PRKAG2: variants seen among roughly 807,000 people sequenced by gnomAD.
PRKAG2 encodes protein kinase AMP-activated non-catalytic subunit gamma 2.
PRKAG2 carries 26 observed loss-of-function variants against 69.6 expected under a neutral mutation model. The ratio of observed to expected loss-of-function variants is 0.37; its 90% confidence interval spans 0.27 to 0.52. The LOEUF is 0.52. Ranked by LOEUF, PRKAG2 falls within the 20% of genes least tolerant of loss-of-function variation. The probability of loss-of-function intolerance (pLI) is 0.90; values close to 1 mark genes in which losing one functional copy is unlikely to be tolerated. For missense variants in PRKAG2, 557 were observed against 740.0 expected (o/e 0.75, Z 2.87); for synonymous variants, 293 against 285.0 (o/e 1.03, Z -0.28).
Position 151,807,116 on chromosome 7 carries a change from G to A in PRKAG2, c.115-20575C>T. 1 of 383,962 alleles carries A rather than the reference G, an allele frequency of 2.6e-6. No individual in the cohort carries two copies. Among genetic ancestry groups the A allele is most frequent in the Non-Finnish European group, 5.1e-6 (1 of 195,180 alleles). The allele number at this position is 383,962 out of a possible 1,614,324, so 23.8% of individuals were successfully genotyped here. On this transcript the variant is annotated intron_variant, in intron 1 of 15. Coordinates refer to ENST00000287878, the MANE Select transcript of PRKAG2 (RefSeq NM_016203.4). The surrounding 1 kb of genome is among the most constrained non-coding windows in gnomAD (Gnocchi z 4.4). Reference sequence around the variant, plus strand: ...CTGTAAAGGGTCAGAGGGACCTTGTGGAGTGGTGGAAATGTTCCAGATCAC... The same window carrying A: ...CTGTAAAGGGTCAGAGGGACCTTGTAGAGTGGTGGAAATGTTCCAGATCAC...
chr7:151,609,206 A>C (rs941849335), intron 5 of PRKAG2, among the ~76,000 whole-genome samples: 1 of 152,250 alleles, frequency 6.6e-6, no homozygotes, highest in African/African-American at 2.4e-5. Context: ...CTGCAAATAC[A>C]GCAAACAACT....
chr7:151,688,868 T>C (rs537509274), intron 3 of PRKAG2, among the ~76,000 whole-genome samples: 7 of 152,132 alleles, frequency 4.6e-5, no homozygotes, highest in African/African-American at 1.7e-4. Flanking sequence ...GTTTTAGGAA[T>C]CTGTATTCCG....
At chr7:151,640,867 A>G (rs2151365247) in intron 4 of PRKAG2, among the ~76,000 whole-genome samples, 1 of 152,356 alleles carries the variant, frequency 6.6e-6, no homozygotes, top group Middle Eastern at 3.4e-3. Flanking sequence ...GACACATAGT[A>G]GGCATTCAAA....
intron 1 of PRKAG2, among the ~76,000 whole-genome samples, chr7:151,857,732 C>T (rs1334029709): frequency 6.6e-6 from 1 of 152,250 alleles, no homozygotes; most frequent in African/African-American, 2.4e-5. Context: ...CTTGGGAGCG[C>T]TCGCTCTCTT....
intron 1 of PRKAG2, among the ~76,000 whole-genome samples, chr7:151,789,165 A>G (rs2077154796): frequency 6.6e-6 from 1 of 152,084 alleles, no homozygotes; most frequent in African/African-American, 2.4e-5. Context: ...ATTTTAGGAT[A>G]GACTAATTGT....
intron 1 of PRKAG2, among the ~76,000 whole-genome samples, chr7:151,829,752 G>A (rs929104963): frequency 3.3e-5 from 5 of 151,996 alleles, no homozygotes; most frequent in Admixed American, 1.3e-4. Context: ...ATTTCGTTAC[G>A]TGAAAGAAGT....
intron 3 of PRKAG2, among the ~76,000 whole-genome samples, chr7:151,755,780 G>T (rs903172579): frequency 1.3e-4 from 20 of 152,192 alleles, no homozygotes; most frequent in Admixed American, 7.2e-4. Flanking sequence ...TCCTCTCCTT[G>T]CTGGGCAGAG....
chr7:151,682,542 A>G (rs939818046), intron 3 of PRKAG2, among the ~76,000 whole-genome samples: 1 of 152,122 alleles, frequency 6.6e-6, no homozygotes, highest in Non-Finnish European at 1.5e-5. Flanking sequence ...CTGGCCCCCC[A>G]TTACTTTTAA....
At chr7:151,664,328 T>G (rs1428954672) in intron 4 of PRKAG2, among the ~76,000 whole-genome samples, 1 of 152,154 alleles carries the variant, frequency 6.6e-6, no homozygotes, top group Non-Finnish European at 1.5e-5. Context: ...ATAAATCCGA[T>G]ATTCCCATTT....
intron 6 of PRKAG2, among the ~76,000 whole-genome samples, chr7:151,579,311 T>G (rs1455966022): frequency 6.6e-6 from 1 of 152,240 alleles, no homozygotes; most frequent in East Asian, 1.9e-4. Flanking sequence ...CATGAGCCAC[T>G]GCACCTGGCC....
intron 3 of PRKAG2, among the ~76,000 whole-genome samples, chr7:151,725,723 A>T (rs1024070029): frequency 2.6e-5 from 4 of 152,026 alleles, no homozygotes; most frequent in Non-Finnish European, 4.4e-5. Flanking sequence ...GACAGATAAG[A>T]CTTGAAGTGT....
At chr7:151,631,724 G>A (rs1320800203) in intron 5 of PRKAG2, 1 of 463,254 alleles carries the variant, frequency 2.2e-6, no homozygotes, top group African/African-American at 2.0e-5. Context: ...TTGCCTCCGA[G>A]TGCATGGTGA....
intron 6 of PRKAG2, among the ~76,000 whole-genome samples, chr7:151,580,114 T>TG (rs1429292197): frequency 1.3e-5 from 2 of 152,000 alleles, no homozygotes; most frequent in African/African-American, 2.4e-5. Context: ...GAGGCCAAGG[T>TG]GGGGGGATCA....
chr7:151,706,835 T>G (rs190407108), intron 3 of PRKAG2, among the ~76,000 whole-genome samples: 1 of 152,260 alleles, frequency 6.6e-6, no homozygotes, highest in East Asian at 1.9e-4. Flanking sequence ...GCCACGGTGG[T>G]TCCCCATGCA....
intron 3 of PRKAG2, among the ~76,000 whole-genome samples, chr7:151,761,130 C>T (rs2075388483): frequency 6.6e-6 from 1 of 152,188 alleles, no homozygotes; most frequent in African/African-American, 2.4e-5. Context: ...CTTGGTCATT[C>T]CTGGGCACAC....
intron 6 of PRKAG2, among the ~76,000 whole-genome samples, chr7:151,594,718 C>T (rs146729871): frequency 1.5e-3 from 229 of 152,302 alleles, no homozygotes; most frequent in African/African-American, 5.1e-3. Flanking sequence ...ACACATTAGA[C>T]AGGCCTGTGT....
At chr7:151,663,568 G>A (rs1830625416) in intron 4 of PRKAG2, among the ~76,000 whole-genome samples, 1 of 152,044 alleles carries the variant, frequency 6.6e-6, no homozygotes, top group East Asian at 1.9e-4. Flanking sequence ...TTGCCGTGTT[G>A]AGGCTGGTCT....
At chr7:151,645,843 T>C (rs1337747623) in intron 4 of PRKAG2, among the ~76,000 whole-genome samples, 2 of 152,200 alleles carry the variant, frequency 1.3e-5, no homozygotes, top group Non-Finnish European at 2.9e-5. Flanking sequence ...TACATTTTCC[T>C]TTTACTAGGC....
intron 4 of PRKAG2, among the ~76,000 whole-genome samples, chr7:151,660,258 C>T (rs1830114711): frequency 1.3e-5 from 2 of 152,208 alleles, no homozygotes; most frequent in South Asian, 4.1e-4. Flanking sequence ...GTGGACAGAT[C>T]TTAAGAAGGA....
Sources: gnomAD v4.1 joint callset for allele counts (sites outside exome capture counted in the v4.1 genomes callset) on GRCh38, gnomAD v4.1.1 for gene constraint, Gnocchi (gnomAD v3.1) non-coding constraint, MANE v1.5 for transcripts, NCBI Gene and HGNC (gene_info 2026-07-23, HGNC 2026-07-21) for gene names.